Variants in MYO16 observed in about 807,000 individuals in gnomAD.
MYO16 encodes unconventional myosin-XVI.
A neutral mutation model predicts 205.3 loss-of-function variants in MYO16; 94 were observed. The observed-to-expected ratio is 0.46, with a 90% CI of 0.39 to 0.54. MYO16 has a LOEUF of 0.54. Among genes scored for constraint, MYO16 ranks in the 20% least tolerant of loss-of-function variants. MYO16 has a pLI of 0.00. For missense variants in MYO16, 2,315 were observed against 2,387.5 expected (o/e 0.97, Z 0.63); for synonymous variants, 988 against 954.0 (o/e 1.04, Z -0.66).
chr13:108,743,408 A>G (rs1029175477), intron 4 of MYO16, among the ~76,000 whole-genome samples: 17 of 152,334 alleles, frequency 1.1e-4, no homozygotes, highest in African/African-American at 4.1e-4. Context: ...TTTGTTTTTG[A>G]AAAGGGTGAT....
intron 16 of MYO16, among the ~76,000 whole-genome samples, chr13:108,950,125 A>G (rs1883088286): frequency 6.6e-6 from 1 of 152,220 alleles, no homozygotes; most frequent in South Asian, 2.1e-4. Flanking sequence ...GGGATCCATG[A>G]CTAAGCAAAA....
At chr13:108,773,925 T>A (rs1468304026) in intron 4 of MYO16, among the ~76,000 whole-genome samples, 1 of 152,098 alleles carries the variant, frequency 6.6e-6, no homozygotes, top group East Asian at 1.9e-4. Context: ...ACCCTGTCTC[T>A]ACTAAAAAAT....
chr13:108,559,470 C>CT, the MYO16 span, among the ~76,000 whole-genome samples: 9,815 of 87,490 alleles, frequency 0.11, 875 homozygotes, highest in East Asian at 0.18. Flanking sequence ...TTTTTCTTTT[C>CT]TTTTTTTTTT....
At chr13:108,528,339 T>G in the MYO16 span, among the ~76,000 whole-genome samples, 505 of 152,212 alleles carry the variant, frequency 3.3e-3, 10 homozygotes, top group South Asian at 0.056. Flanking sequence ...TTAGGGCTAT[T>G]TATCTGGCTG....
At chr13:108,554,213 A>T in the MYO16 span, among the ~76,000 whole-genome samples, 1 of 151,832 alleles carries the variant, frequency 6.6e-6, no homozygotes, top group African/African-American at 2.4e-5. Flanking sequence ...AAATTTTTCT[A>T]GTCTGAATTC....
chr13:108,985,053 T>A lies in MYO16; in HGVS notation c.2370-7323T>A, dbSNP rs539022171. Among the ~76,000 whole-genome samples the A allele has an allele frequency of 2.0e-5, 3 of 152,362 alleles. No individual in the cohort carries two copies. In the East Asian group the frequency reaches 5.8e-4, roughly 29 times the overall value. ...TGCATCTTCATATAAGTTTTCATTT[T>A]GACTTCACCTTTCTACCAAAAGTTG... On this transcript the variant is annotated intron_variant, in intron 20 of 34. Transcript: ENST00000457511.
At chr13:108,618,755 A>G (rs1021907108) in intron 1 of MYO16, among the ~76,000 whole-genome samples, 2 of 152,112 alleles carry the variant, frequency 1.3e-5, no homozygotes, top group African/African-American at 4.8e-5. Context: ...TTAGTTTTAC[A>G]CCCTTAGAAA....
chr13:108,969,775 G>A (rs762245682), intron 20 of MYO16, among the ~76,000 whole-genome samples: 9 of 152,180 alleles, frequency 5.9e-5, no homozygotes, highest in Non-Finnish European at 1.2e-4. Context: ...ATCGAGAACT[G>A]CGGATTGTTA....
intron 12 of MYO16, among the ~76,000 whole-genome samples, chr13:108,872,088 T>C (rs1041435177): frequency 6.6e-6 from 1 of 152,202 alleles, no homozygotes; most frequent in Admixed American, 6.5e-5. Context: ...TTTAATTCTG[T>C]ATGCACCAAG....
At chr13:108,973,749 C>A (rs993269926) in intron 20 of MYO16, among the ~76,000 whole-genome samples, 1 of 152,120 alleles carries the variant, frequency 6.6e-6, no homozygotes, top group Non-Finnish European at 1.5e-5. Context: ...CATCTGACAG[C>A]ACTTAAGAGA....
chr13:109,153,459 C>A (rs1469045459), intron 32 of MYO16, among the ~76,000 whole-genome samples: 3 of 152,012 alleles, frequency 2.0e-5, no homozygotes, highest in African/African-American at 7.2e-5. Flanking sequence ...TACATGTGAA[C>A]CTACGTACTT....
intron 23 of MYO16, among the ~76,000 whole-genome samples, chr13:109,038,668 C>A (rs770087926): frequency 2.0e-5 from 3 of 151,948 alleles, no homozygotes; most frequent in Non-Finnish European, 4.4e-5. Context: ...GAATACAAAG[C>A]TTTTGTATTC....
chr13:108,749,657 A>G (rs1034958798), intron 4 of MYO16, among the ~76,000 whole-genome samples: 3 of 152,252 alleles, frequency 2.0e-5, no homozygotes, highest in African/African-American at 7.2e-5. Flanking sequence ...GTGGAGCAAC[A>G]GGAGCTCTCA....
intron 22 of MYO16, among the ~76,000 whole-genome samples, chr13:109,009,853 C>T (rs1482141589): frequency 6.6e-6 from 1 of 152,114 alleles, no homozygotes; most frequent in African/African-American, 2.4e-5. Flanking sequence ...AAATTACAGC[C>T]CTCTTCCTCC....
rs118167164 is a variant in MYO16, at chr13:108,934,775, A to G, written c.1926-22913A>G. Among the ~76,000 whole-genome samples the G allele has an allele frequency of 3.9e-3, 592 of 152,176 alleles. 5 individuals are homozygous for G. The highest frequency in any genetic ancestry group is 6.8e-3 in the Middle Eastern group (2 of 294). On this transcript the variant is annotated intron_variant, in intron 16 of 34. Transcript: ENST00000457511. ...ACCAGGTATTATAAAATGAATCTTT[A>G]ATTCATTTTCAGTTAATTTTTATAT...
chr13:108,630,058 T>A (rs1879906020), intron 1 of MYO16, among the ~76,000 whole-genome samples, 186 bp downstream of exon 1: 2 of 151,964 alleles, frequency 1.3e-5, no homozygotes, highest in South Asian at 4.2e-4. Context: ...GTGAAATAAT[T>A]CCAGTGTGAT....
chr13:108,938,680 A>G (rs1882594654), intron 16 of MYO16, among the ~76,000 whole-genome samples: 1 of 152,220 alleles, frequency 6.6e-6, no homozygotes, highest in Non-Finnish European at 1.5e-5. Flanking sequence ...GGCATTCTCC[A>G]GGCAAGCAGG....
At chr13:108,499,556 A>T in the MYO16 span, among the ~76,000 whole-genome samples, 17 of 152,132 alleles carry the variant, frequency 1.1e-4, no homozygotes, top group Non-Finnish European at 2.2e-4. Flanking sequence ...TTTCCCACTT[A>T]TATAGGAATC....
At chr13:108,968,248 G>A (rs1035397258) in intron 20 of MYO16, among the ~76,000 whole-genome samples, 3 of 152,062 alleles carry the variant, frequency 2.0e-5, no homozygotes, top group African/African-American at 7.2e-5. Context: ...ATGGTCTTTC[G>A]ATGAGGGGGG....
Sources: allele counts gnomAD v4.1 joint callset (sites outside exome capture counted in the v4.1 genomes callset), GRCh38; gene constraint gnomAD v4.1.1; transcripts MANE v1.5; gene names NCBI Gene and HGNC (gene_info 2026-07-23, HGNC 2026-07-21).